The following IL1RAP variants were observed in gnomAD, a reference collection of about 807,000 sequenced individuals.
IL1RAP encodes interleukin-1 receptor accessory protein.
Under a neutral mutation model 60.7 loss-of-function variants are expected in IL1RAP, and 35 were observed. The ratio of observed to expected loss-of-function variants is 0.58; its 90% CI spans 0.44 to 0.76. The LOEUF (loss-of-function observed/expected upper bound fraction) is 0.76. IL1RAP is among the 30% of genes least tolerant of loss of function. The pLI is 0.00. For synonymous variants in IL1RAP, 268 were observed against 250.9 expected (o/e 1.07, Z -0.64); for missense variants, 572 against 693.9 (o/e 0.82, Z 1.97).
At chr3:190,543,761 G>C (rs1234474212) in intron 1 of IL1RAP, among the ~76,000 whole-genome samples, 1 of 152,114 alleles carries the variant, frequency 6.6e-6, no homozygotes, top group African/African-American at 2.4e-5. Context: ...AGAAGTAGTG[G>C]TACAGCAAAG....
At chr3:190,628,442 A>T (rs6444444) in intron 8 of IL1RAP, among the ~76,000 whole-genome samples, 1 of 152,184 alleles carries the variant, frequency 6.6e-6, no homozygotes, top group Non-Finnish European at 1.5e-5. Context: ...AAGCTTAAGC[A>T]AAACCAATCA....
At chr3:190,627,300 GT>G in intron 7 of IL1RAP, 22 bp from the exon 8 acceptor site, 4 of 1,443,116 alleles carry the variant, frequency 2.8e-6, no homozygotes, top group Non-Finnish European at 3.6e-6. Flanking sequence ...TGTTTTTTTT[GT>G]TTTTTTGGTT....
Position 190,650,257 on chromosome 3 carries a change from C to A in IL1RAP, c.*1552C>A. ...TCACAGAGTGATAGTTGTCATAGTT[C>A]TTGCCTTCCCTAAGTTTATATAAAT... is the stretch of plus-strand genomic sequence containing the variant. On this transcript the variant is annotated 3_prime_UTR_variant, in exon 12 of 12. Transcript: ENST00000447382. The A allele has an allele frequency of 1.0e-6, 1 of 985,190 alleles. No individual in the cohort carries two copies. Among genetic ancestry groups the A allele is most frequent in the Non-Finnish European group, 1.2e-6 (1 of 829,736 alleles). 61.0% of individuals were successfully genotyped at this position (985,190 alleles called of 1,614,324 possible).
In IL1RAP at chr3:190,627,243, T is replaced by A. The variant is rs116494529; in HGVS notation, c.776-80T>A. On this transcript the variant is annotated intron_variant, in intron 7 of 11. Coordinates refer to ENST00000447382, the MANE Select transcript of IL1RAP (RefSeq NM_002182.4). ...GAAGGATAAACACTAATGGGCTAAC[T>A]TTGTCTTTGTTTTTTGTTTTGTTTT... The A allele has an allele frequency of 4.1e-3, 5,234 of 1,269,742 alleles. 174 individuals carry two copies. The African/African-American group carries it at 0.073, about 18-fold the overall frequency. 78.7% of individuals were successfully genotyped at this position (1,269,742 alleles called of 1,614,324 possible).
In IL1RAP at chr3:190,601,764, G is replaced by T. The variant is rs554606383; in HGVS notation, c.65-2364G>T. On this transcript the variant is annotated intron_variant, in intron 3 of 11. Transcript: ENST00000447382. ...GCTCGTCCAGGCCGGACTTGCTCTT[G>T]TACCTTTGGTCAGTTGTGGAAAGCC... is the stretch of plus-strand genomic sequence containing the variant. Among the ~76,000 whole-genome samples, 3 of 151,946 alleles carry T rather than the reference G, an allele frequency of 2.0e-5. No homozygotes were observed. In the South Asian group the frequency reaches 6.2e-4, roughly 32 times the overall value.
chr3:190,655,995 A>G (rs1200811811), downstream of IL1RAP: 2 of 1,537,038 alleles, frequency 1.3e-6, no homozygotes, highest in Non-Finnish European at 1.7e-6. Flanking sequence ...TGGAGTTTAA[A>G]CTGGGTGTCA....
intron 11 of IL1RAP, 47 bp downstream of exon 11, chr3:190,645,889 C>T (rs1703063217): frequency 1.3e-6 from 2 of 1,535,408 alleles, no homozygotes; most frequent in Non-Finnish European, 1.8e-6. Context: ...GAAAGGCAGA[C>T]AGAATCATTA....
downstream of IL1RAP, among the ~76,000 whole-genome samples, chr3:190,653,504 G>C (rs569892523): frequency 6.6e-6 from 1 of 151,954 alleles, no homozygotes; most frequent in African/African-American, 2.4e-5. Flanking sequence ...AGTTTTAATA[G>C]AGAAAATGAA....
chr3:190,622,472 C>G (rs1350522101), intron 6 of IL1RAP, among the ~76,000 whole-genome samples: 1 of 152,044 alleles, frequency 6.6e-6, no homozygotes, highest in Non-Finnish European at 1.5e-5. Flanking sequence ...ACTGCCCCAC[C>G]CCCTACTTTA....
intron 3 of IL1RAP, among the ~76,000 whole-genome samples, chr3:190,576,904 G>C (rs1352977507): frequency 1.3e-5 from 2 of 151,926 alleles, no homozygotes; most frequent in East Asian, 1.9e-4. Flanking sequence ...ACGAGGTCAG[G>C]AGATCGAGAG....
Position 190,640,585 on chromosome 3 carries a change from C to T in IL1RAP, c.1052-3663C>T, listed in dbSNP as rs976332186. 3.3e-5 allele frequency among the ~76,000 whole-genome samples: 5 copies of T among 152,160 alleles called. No individual in the cohort carries two copies. In the East Asian group the frequency reaches 9.6e-4, roughly 29 times the overall value. ...AACGGAGTAGCCATGGGTTCTGTGG[C>T]AGGGAACACTTGGAGGTGCAAGCAG... On this transcript the variant is annotated intron_variant, in intron 9 of 11. Transcript: ENST00000447382.
At chr3:190,542,503 C>T (rs114622138) in intron 1 of IL1RAP, among the ~76,000 whole-genome samples, 4,465 of 152,212 alleles carry the variant, frequency 0.029, 219 homozygotes, top group African/African-American at 0.099. Context: ...ATTATTTCAA[C>T]TGAGTAATGT....
At chr3:190,576,576 A>C (rs12152223) in intron 3 of IL1RAP, among the ~76,000 whole-genome samples, 10,807 of 152,212 alleles carry the variant, frequency 0.071, 452 homozygotes, top group South Asian at 0.081. Flanking sequence ...GCAGAGATTA[A>C]AGAACAATCC....
chr3:190,570,723 G>T (rs1012721999), intron 3 of IL1RAP, among the ~76,000 whole-genome samples: 1 of 152,074 alleles, frequency 6.6e-6, no homozygotes, highest in South Asian at 2.1e-4. Context: ...TTGCCACCAT[G>T]CCCAACTAAT....
intron 1 of IL1RAP, among the ~76,000 whole-genome samples, 153 bp downstream of exon 1, chr3:190,514,372 T>C (rs1229899383): frequency 6.6e-6 from 1 of 152,208 alleles, no homozygotes; most frequent in Non-Finnish European, 1.5e-5. Flanking sequence ...TAGGTCATAC[T>C]GCTAGTTAGG....
At chr3:190,573,301 C>G (rs1425153874) in intron 3 of IL1RAP, among the ~76,000 whole-genome samples, 1 of 150,820 alleles carries the variant, frequency 6.6e-6, no homozygotes, top group Non-Finnish European at 1.5e-5. Context: ...CAAGTTTATA[C>G]GTTCTAAGGC....
At position 190,577,291 on chromosome 3, in the gene IL1RAP, T is replaced by C. The variant is rs186276931; in HGVS notation, c.64+12938T>C. On this transcript the variant is annotated intron_variant, in intron 3 of 11. Transcript: ENST00000447382. ...TATAGCAGAACTAGTGTGAAACCTT[T>C]ACCAACTGTGGCAGTTGTTTGCCGG... 6.8e-3 allele frequency among the ~76,000 whole-genome samples: 1,030 copies of C among 152,294 alleles called. 11 individuals are homozygous for C. Among genetic ancestry groups the C allele is most frequent in the Non-Finnish European group, 8.7e-3 (591 of 68,016 alleles).
rs149310405 is a variant in IL1RAP, at chr3:190,576,750, A to G, written c.64+12397A>G. On this transcript the variant is annotated intron_variant, in intron 3 of 11. Coordinates refer to ENST00000447382, the MANE Select transcript of IL1RAP (RefSeq NM_002182.4). ...TCCCTTTAATCTTGTAATGAACCAT[A>G]CATGCTATATTCTAAGAAAATACTC... Among the ~76,000 whole-genome samples the G allele has an allele frequency of 3.6e-3, 544 of 152,338 alleles. 5 individuals are homozygous for G. Among genetic ancestry groups the G allele is most frequent in the Admixed American group, 7.8e-3 (120 of 15,306 alleles).
At chr3:190,584,572 G>A (rs1057343621) in intron 3 of IL1RAP, among the ~76,000 whole-genome samples, 1 of 152,160 alleles carries the variant, frequency 6.6e-6, no homozygotes, top group Non-Finnish European at 1.5e-5. Flanking sequence ...TAGTTTTACA[G>A]TAGTATCTTG....
Sources: allele counts gnomAD v4.1 joint callset (sites outside exome capture counted in the v4.1 genomes callset), GRCh38; gene constraint gnomAD v4.1.1; transcripts MANE v1.5; gene names NCBI Gene and HGNC (gene_info 2026-07-23, HGNC 2026-07-21).